Variants in HACE1 observed in about 807,000 individuals in gnomAD.
HACE1 encodes HECT domain and ankyrin repeat containing E3 ubiquitin protein ligase 1.
A neutral mutation model predicts 118.4 loss-of-function variants in HACE1; 73 were observed. The ratio of observed to expected loss-of-function variants is 0.62; its 90% CI spans 0.51 to 0.75. The LOEUF (loss-of-function observed/expected upper bound fraction) is 0.75, where lower values mean the gene tolerates loss of function less well. Ranked by LOEUF, HACE1 falls within the 30% of genes least tolerant of loss-of-function variation. HACE1 has a pLI of 0.00. For synonymous variants in HACE1, 368 were observed against 374.8 expected, an observed-to-expected ratio of 0.98 and a Z score of 0.21; for missense variants, 749 against 1,102.2, an observed-to-expected ratio of 0.68 and a Z score of 4.54.
intron 14 of HACE1, among the ~76,000 whole-genome samples, chr6:104,777,676 A>G (rs1781356933): frequency 6.6e-6 from 1 of 152,162 alleles, no homozygotes; most frequent in Admixed American, 6.5e-5. Context: ...CACCCAGAAA[A>G]ATTACGTTGC....
At position 104,784,323 on chromosome 6, in the gene HACE1, A is replaced by G. The variant is rs974626171; in HGVS notation, c.1478+94T>C. ...TCATTTGTTATTGAGCATATTTTGA[A>G]TAGTACGAGAAATAGTATTTTTTCT... On this transcript the variant is annotated intron_variant, in intron 13 of 23. Coordinates refer to ENST00000262903, the MANE Select transcript of HACE1 (RefSeq NM_020771.4). 24 of 937,040 alleles carry G rather than the reference A, an allele frequency of 2.6e-5. No individual in the cohort carries two copies. In the Admixed American group the frequency reaches 3.8e-4, roughly 15 times the overall value. The allele number at this position is 937,040 out of a possible 1,614,324, so 58.0% of individuals were successfully genotyped here.
At chr6:104,784,326 G>T in intron 13 of HACE1, 91 bp downstream of exon 13, 1 of 947,122 alleles carries the variant, frequency 1.1e-6, no homozygotes, top group Non-Finnish European at 1.7e-6. Flanking sequence ...ATTTTGAATA[G>T]TACGAGAAAT....
intron 22 of HACE1, among the ~76,000 whole-genome samples, chr6:104,735,204 T>C (rs532761321): frequency 2.0e-4 from 30 of 152,178 alleles, no homozygotes; most frequent in African/African-American, 5.8e-4. Flanking sequence ...AGAAAACTAT[T>C]TGCAGAGTTA....
Position 104,741,411 on chromosome 6 carries a change from C to A in HACE1, c.2513+2749G>T, listed in dbSNP as rs1208959082. On this transcript the variant is annotated intron_variant, in intron 22 of 23. Coordinates refer to ENST00000262903, the MANE Select transcript of HACE1 (RefSeq NM_020771.4). ...GACATGATTGTATATTTAGAAAACC[C>A]CATTGTATCAGCCCCAAATCTCCTT... 4.0e-5 allele frequency among the ~76,000 whole-genome samples: 6 copies of A among 151,500 alleles called. No individual in the cohort carries two copies. In the South Asian group the frequency reaches 6.3e-4, roughly 16 times the overall value.
chr6:104,804,326 G>T (rs1456150109), intron 7 of HACE1, among the ~76,000 whole-genome samples: 1 of 152,152 alleles, frequency 6.6e-6, no homozygotes, highest in East Asian at 1.9e-4. Flanking sequence ...TCCCCATCAA[G>T]CAACCAATGA....
chr6:104,825,826 T>C (rs1773275283), intron 6 of HACE1, among the ~76,000 whole-genome samples: 1 of 152,248 alleles, frequency 6.6e-6, no homozygotes, highest in African/African-American at 2.4e-5. Context: ...TTGTGTATTT[T>C]GTCCAATTCT....
rs1774921455 is a variant in HACE1, at chr6:104,728,948, C to A, written c.*714G>T. 1 of 152,380 alleles carries A rather than the reference C, an allele frequency of 6.6e-6. No homozygotes were observed. The highest frequency in any genetic ancestry group is 1.5e-5 in the Non-Finnish European group (1 of 67,958). 9.4% of individuals were successfully genotyped at this position (152,380 alleles called of 1,614,324 possible). A position where few individuals can be genotyped will look rare whatever the true frequency, so the allele number is the denominator to read the frequency against. On this transcript the variant is annotated 3_prime_UTR_variant, in exon 24 of 24. Transcript: ENST00000262903. ...GTAAAATACATTTTAATTTTACCTT[C>A]ATTATAAATTAAAATGAGGCGTAAG...
intron 22 of HACE1, among the ~76,000 whole-genome samples, chr6:104,736,145 TC>T (rs1395883543): frequency 6.6e-6 from 1 of 151,774 alleles, no homozygotes; most frequent in Admixed American, 6.6e-5. Context: ...TATTTTTTCA[TC>T]CTTTTTATTA....
chr6:104,741,237 T>C (rs1776640913), intron 22 of HACE1, among the ~76,000 whole-genome samples: 1 of 112,466 alleles, frequency 8.9e-6, no homozygotes, highest in African/African-American at 4.7e-5. Context: ...GCATTCCCTT[T>C]GAAAACTGGC....
chr6:104,832,002 GGA>G (rs1774028588), intron 6 of HACE1, among the ~76,000 whole-genome samples: 2 of 131,558 alleles, frequency 1.5e-5, no homozygotes, highest in East Asian at 2.3e-4. Context: ...AAGGAAGGAA[GGA>G]AGGAAGGAAG....
intron 19 of HACE1, 39 bp from the exon 20 acceptor site, chr6:104,750,511 C>T (rs971240620): frequency 8.3e-6 from 13 of 1,573,670 alleles, no homozygotes; most frequent in African/African-American, 1.4e-5. Flanking sequence ...TTTTCAAAAA[C>T]CTTTTACATA....
At chr6:104,754,417 C>A (rs1778392330) in intron 19 of HACE1, among the ~76,000 whole-genome samples, 1 of 152,140 alleles carries the variant, frequency 6.6e-6, no homozygotes. Flanking sequence ...CAGTAATACA[C>A]TCCACAAAAA....
At chr6:104,852,229 G>GTGTGTGTGCA (rs1491285288) in intron 2 of HACE1, 88 bp downstream of exon 2, 1 of 624,508 alleles carries the variant, frequency 1.6e-6, no homozygotes, top group African/African-American at 4.2e-5. Context: ...GTGTGTGTGT[G>GTGTGTGTGCA]CGCGCGTGCG....
At chr6:104,800,670 C>T (rs1770229982) in intron 7 of HACE1, among the ~76,000 whole-genome samples, 2 of 152,160 alleles carry the variant, frequency 1.3e-5, no homozygotes, top group Admixed American at 6.5e-5. Flanking sequence ...GTAGCATCAA[C>T]ATCAACAAAA....
chr6:104,764,146 T>C (rs1230046288), intron 19 of HACE1, among the ~76,000 whole-genome samples: 1 of 152,148 alleles, frequency 6.6e-6, no homozygotes, highest in East Asian at 1.9e-4. Context: ...ACTGTGATCT[T>C]GGTTCACTGC....
chr6:104,807,976 C>T (rs749627409), intron 7 of HACE1, among the ~76,000 whole-genome samples: 1 of 152,052 alleles, frequency 6.6e-6, no homozygotes, highest in African/African-American at 2.4e-5. Context: ...CACCTGAGGT[C>T]GGGAGTTCGA....
At chr6:104,822,025 T>C (rs935145559) in intron 6 of HACE1, among the ~76,000 whole-genome samples, 5 of 151,742 alleles carry the variant, frequency 3.3e-5, no homozygotes, top group African/African-American at 7.3e-5. Flanking sequence ...CTGGGCAACA[T>C]AGTGAGACCA....
At chr6:104,852,277 T>C in intron 2 of HACE1, 40 bp downstream of exon 2, 1 of 1,325,340 alleles carries the variant, frequency 7.5e-7, no homozygotes, top group Admixed American at 1.7e-5. Context: ...GAACAATGTA[T>C]GCTTCTTAAA....
At chr6:104,841,089 C>G (rs1775074384) in intron 5 of HACE1, among the ~76,000 whole-genome samples, 1 of 150,882 alleles carries the variant, frequency 6.6e-6, no homozygotes, top group East Asian at 1.9e-4. Context: ...CCATTGCACT[C>G]CAGCCTGGGC....
Sources: allele counts gnomAD v4.1 joint callset (sites outside exome capture counted in the v4.1 genomes callset), GRCh38; gene constraint gnomAD v4.1.1; transcripts MANE v1.5; gene names NCBI Gene and HGNC (gene_info 2026-07-23, HGNC 2026-07-21).